ABHD12: variants seen among roughly 807,000 people sequenced by gnomAD.
ABHD12 encodes the protein lysophosphatidylserine lipase ABHD12.
ABHD12 carries 43 observed loss-of-function variants against 58.3 expected under a neutral mutation model. The ratio of observed to expected loss-of-function variants is 0.74; its 90% CI spans 0.58 to 0.95. The LOEUF (loss-of-function observed/expected upper bound fraction) is 0.95, where lower values mean the gene tolerates loss of function less well. Among genes scored for constraint, ABHD12 ranks in the 40% least tolerant of loss-of-function variants. The pLI, the probability that ABHD12 is intolerant of heterozygous loss-of-function variation, is 0.00. For missense variants in ABHD12, 539 were observed against 537.2 expected (o/e 1.00, Z -0.03); for synonymous variants, 219 against 211.2 (o/e 1.04, Z -0.32).
intron 10 of ABHD12, among the ~76,000 whole-genome samples, chr20:25,304,849 G>A (rs888296823): frequency 7.2e-5 from 11 of 152,136 alleles, no homozygotes; most frequent in Non-Finnish European, 4.4e-5. Context: ...TTACAGTGGT[G>A]AGCCACCACA....
intron 1 of ABHD12, chr20:25,368,644 C>T (rs1457595637): frequency 7.3e-7 from 1 of 1,372,724 alleles, no homozygotes; most frequent in South Asian, 1.2e-5. Flanking sequence ...TCCTTTCTCG[C>T]CAGTGCTCAG....
chr20:25,359,465 C>T (rs2089716004), intron 1 of ABHD12, among the ~76,000 whole-genome samples: 1 of 148,252 alleles, frequency 6.7e-6, no homozygotes, highest in Non-Finnish European at 1.5e-5. Flanking sequence ...TTCACTGTTT[C>T]TTCTATACAT....
intron 7 of ABHD12, 128 bp downstream of exon 7, chr20:25,309,318 G>C: frequency 7.2e-7 from 1 of 1,381,638 alleles, no homozygotes; most frequent in South Asian, 1.2e-5. Flanking sequence ...ATGGGGATGG[G>C]AGCGAGGCTG....
chr20:25,375,052 C>T (rs1171319858), intron 1 of ABHD12, among the ~76,000 whole-genome samples: 1 of 152,088 alleles, frequency 6.6e-6, no homozygotes, highest in Non-Finnish European at 1.5e-5. Context: ...TCAGGGTGGA[C>T]CCTAATCCAC....
At chr20:25,369,866 G>A (rs183483362) in intron 1 of ABHD12, among the ~76,000 whole-genome samples, 2 of 143,818 alleles carry the variant, frequency 1.4e-5, no homozygotes, top group South Asian at 2.2e-4. Context: ...GATTGCATAA[G>A]GCCAGGAGAA....
chr20:25,315,587 G>C lies in ABHD12; in HGVS notation c.574-617C>G, dbSNP rs534802278. On this transcript the variant is annotated intron_variant, in intron 5 of 12. Transcript: ENST00000339157. ...CCCAGAATCACAGCTCCCTTCTTTGGGGGGGTTGTTGGGTGCTTCCCCAGG... is the reference window on the plus strand; with the variant it reads ...CCCAGAATCACAGCTCCCTTCTTTGCGGGGGTTGTTGGGTGCTTCCCCAGG... 1.2e-4 allele frequency among the ~76,000 whole-genome samples: 19 copies of C among 152,002 alleles called. No homozygotes were observed. In the East Asian group the frequency reaches 1.9e-3, roughly 16 times the overall value.
intron 4 of ABHD12, among the ~76,000 whole-genome samples, chr20:25,319,972 C>G (rs949205932): frequency 6.6e-6 from 1 of 152,212 alleles, no homozygotes; most frequent in African/African-American, 2.4e-5. Flanking sequence ...CTGTGGGAAC[C>G]CTGCTTCATG....
chr20:25,386,696 C>T (rs2090095636), intron 1 of ABHD12, among the ~76,000 whole-genome samples: 1 of 152,052 alleles, frequency 6.6e-6, no homozygotes, highest in Non-Finnish European at 1.5e-5. Context: ...GCCTGGTCAA[C>T]ATGGCAAAAT....
intron 12 of ABHD12, chr20:25,295,048 C>G (rs758462279): frequency 3.1e-6 from 5 of 1,613,944 alleles, no homozygotes; most frequent in Non-Finnish European, 4.2e-6. Context: ...AAAGGAAGTG[C>G]TTTTAAAATT....
chr20:25,367,297 TAC>T (rs2089835792), intron 1 of ABHD12, among the ~76,000 whole-genome samples: 1 of 152,156 alleles, frequency 6.6e-6, no homozygotes, highest in Admixed American at 6.5e-5. Context: ...AGGGAGGGCT[TAC>T]AGTTTTGTGG....
intron 6 of ABHD12, chr20:25,310,437 G>A (rs573441071): frequency 2.0e-5 from 3 of 152,392 alleles, no homozygotes; most frequent in East Asian, 1.9e-4. Context: ...AAGGTGGAGT[G>A]CAATTATCTT....
In ABHD12 at chr20:25,390,731, C is replaced by A; in HGVS notation, c.-28G>T. Reference sequence around the variant, plus strand: ...CGCGGCCGACAGGGCCAGCCGCCGACGGCGCCCGCTGGCCTGCGCCGCAGT... The same window carrying A: ...CGCGGCCGACAGGGCCAGCCGCCGAAGGCGCCCGCTGGCCTGCGCCGCAGT... On this transcript the variant is annotated 5_prime_UTR_variant, in exon 1 of 13. Coordinates refer to ENST00000339157, the MANE Select transcript of ABHD12 (RefSeq NM_001042472.3). The A allele has an allele frequency of 3.1e-6, 4 of 1,287,438 alleles. No individual in the cohort carries two copies. The South Asian group carries it at 7.9e-5, about 25-fold the overall frequency. The allele number at this position is 1,287,438 out of a possible 1,614,324, so 79.8% of individuals were successfully genotyped here.
intron 2 of ABHD12, among the ~76,000 whole-genome samples, chr20:25,334,062 T>A (rs1202745621): frequency 2.0e-5 from 3 of 151,970 alleles, no homozygotes; most frequent in African/African-American, 7.3e-5. Flanking sequence ...GAAAACCCCA[T>A]TGTCTCAGCC....
At chr20:25,328,618 T>G (rs1483329013) in intron 2 of ABHD12, among the ~76,000 whole-genome samples, 1 of 152,218 alleles carries the variant, frequency 6.6e-6, no homozygotes, top group Non-Finnish European at 1.5e-5. Context: ...CCCTGGCCAC[T>G]GAAAAGTATT....
At chr20:25,375,503 C>T (rs116771498) in intron 1 of ABHD12, among the ~76,000 whole-genome samples, 1,688 of 152,250 alleles carry the variant, frequency 0.011, 32 homozygotes, top group African/African-American at 0.036. Flanking sequence ...TTGCTCTCTC[C>T]TCTCTGGTAC....
chr20:25,359,092 C>T (rs961804154), intron 1 of ABHD12, among the ~76,000 whole-genome samples: 4 of 147,446 alleles, frequency 2.7e-5, no homozygotes, highest in Non-Finnish European at 5.9e-5. Flanking sequence ...TTAATGATGC[C>T]TCCTTTGTAA....
At chr20:25,390,477 GCCCCC>G (rs1450821519) in intron 1 of ABHD12, 31 bp downstream of exon 1, 5 of 98,506 alleles carry the variant, frequency 5.1e-5, no homozygotes, top group Non-Finnish European at 6.7e-5. Context: ...TGAGGGACCG[GCCCCC>G]CCCCCCCCCC....
Position 25,379,264 on chromosome 20 carries a change from TC to T in ABHD12, c.191+11248del, listed in dbSNP as rs551464731. ...CTTCCCAAGGGAACTGTCCTTGTCA[TC>T]CTTTTTAAAAACATTAAATGTCAGA... is the stretch of plus-strand genomic sequence containing the variant. On this transcript the variant is annotated intron_variant, in intron 1 of 12. Transcript: ENST00000339157. Among the ~76,000 whole-genome samples, 207 of 152,306 alleles carry T rather than the reference TC, an allele frequency of 1.4e-3. 1 individual carries two copies. The highest frequency in any genetic ancestry group is 4.7e-3 in the African/African-American group (195 of 41,558).
rs770467212 is a variant in ABHD12, at chr20:25,317,048, C to T, written c.573G>A (p.Lys191=). The T allele has an allele frequency of 1.9e-5, 30 of 1,613,034 alleles. No homozygotes were observed. Among genetic ancestry groups the T allele is most frequent in the Non-Finnish European group, 2.5e-5 (29 of 1,179,624 alleles). Residue 191 remains lysine, a splice_region_variant and synonymous_variant, in exon 5 of 13, where the codon AAG becomes AAA. Transcript: ENST00000339157. Reference sequence around the variant, plus strand: ...AGGTGTGGGTGCTGCCTGCACTCACCTTGTAAAGCTCCACGCGGTGGTCGC... The same window carrying T: ...AGGTGTGGGTGCTGCCTGCACTCACTTTGTAAAGCTCCACGCGGTGGTCGC... The part of the protein sequence containing the change: ...RGGDHRVELY[K]VLSSLGYHVV...
Sources: allele counts gnomAD v4.1 joint callset (sites outside exome capture counted in the v4.1 genomes callset), GRCh38; gene constraint gnomAD v4.1.1; transcripts MANE v1.5; gene names NCBI Gene and HGNC (gene_info 2026-07-23, HGNC 2026-07-21).